ZNF462: variants seen among roughly 807,000 people sequenced by gnomAD.
ZNF462 encodes zinc finger PBX1-interacting protein.
Under a neutral mutation model 201.9 loss-of-function variants are expected in ZNF462, and 10 were observed. The observed-to-expected ratio is 0.05, with a 90% CI of 0.03 to 0.08. ZNF462 has a LOEUF of 0.08. ZNF462 is among the 10% of genes least tolerant of loss of function. The pLI is 1.00. For synonymous variants in ZNF462, 1,227 were observed against 1,193.3 expected (o/e 1.03, Z -0.58); for missense variants, 2,523 against 3,168.3 (o/e 0.80, Z 4.89).
Position 106,923,666 on chromosome 9 carries a change from T to C in ZNF462, c.220+63T>C, listed in dbSNP as rs1246011999. On this transcript the variant is annotated intron_variant, in intron 2 of 12. Coordinates refer to ENST00000277225, the MANE Select transcript of ZNF462 (RefSeq NM_021224.6). This position sits in a 1 kb window ranked among gnomAD's most constrained non-coding sequence, Gnocchi z 5.6. The stretch of plus-strand genomic sequence containing the variant: ...TAATTGCTCTTGTTTCCTTTTAGCC[T>C]GTAGCCATGGTTCTTAATATACGTG... 6.5e-7 allele frequency: 1 copy of C among 1,549,206 alleles called. No individual in the cohort carries two copies. The highest frequency in any genetic ancestry group is 8.9e-7 in the Non-Finnish European group (1 of 1,125,374).
rs758176395 is a variant in ZNF462 at position 106,870,123 on chromosome 9, AT to A, written c.-31+6772del. Among the ~76,000 whole-genome samples, 52 of 152,300 alleles carry A rather than the reference AT, an allele frequency of 3.4e-4. No homozygotes were observed. The highest frequency in any genetic ancestry group is 6.2e-4 in the Non-Finnish European group (42 of 68,024). On this transcript the variant is annotated intron_variant, in intron 1 of 12. Transcript: ENST00000277225. The surrounding 1 kb of genome is among the most constrained non-coding windows in gnomAD (Gnocchi z 4.3). ...GTGTGATTCCAACACAAAGTTAATT[AT>A]TTTCACGGCTTAGAAGGACAAAGGA...
chr9:106,937,342 C>A (rs1409876987), intron 6 of ZNF462, among the ~76,000 whole-genome samples: 7 of 151,956 alleles, frequency 4.6e-5, no homozygotes, highest in Admixed American at 3.9e-4. Flanking sequence ...ACATGTGAAC[C>A]CATTTAGTAA....
At chr9:106,960,562 C>G (rs1033496320) in intron 7 of ZNF462, among the ~76,000 whole-genome samples, 1 of 152,092 alleles carries the variant, frequency 6.6e-6, no homozygotes, top group Non-Finnish European at 1.5e-5. Context: ...TTCCTCATCA[C>G]ACAATTCAAA....
chr9:106,977,844 G>A lies in ZNF462; in HGVS notation c.6832+3571G>A, dbSNP rs755116228. On this transcript the variant is annotated intron_variant, in intron 9 of 12. Coordinates refer to ENST00000277225, the MANE Select transcript of ZNF462 (RefSeq NM_021224.6). This position sits in a 1 kb window ranked among gnomAD's most constrained non-coding sequence, Gnocchi z 4.6. Reference sequence around the variant, plus strand: ...CTATTGTAACAAGTGACCACCAAATGTGTAGATTAAAACAATAGAAATGTA... The same window carrying A: ...CTATTGTAACAAGTGACCACCAAATATGTAGATTAAAACAATAGAAATGTA... 6.6e-6 allele frequency among the ~76,000 whole-genome samples: 1 copy of A among 151,564 alleles called. No homozygotes were observed. Among genetic ancestry groups the A allele is most frequent in the Non-Finnish European group, 1.5e-5 (1 of 68,032 alleles).
rs11336568 is a variant in ZNF462, at chr9:106,867,574, GAA to G, written c.-31+4231_-31+4232del. ...TTTGGAGTTGGAGACAACTTTTAGA[GAA>G]AAAAAAAAAAACAAACTTATCTGCT... On this transcript the variant is annotated intron_variant, in intron 1 of 12. Transcript: ENST00000277225. 7.7e-3 allele frequency among the ~76,000 whole-genome samples: 1,044 copies of G among 135,020 alleles called. 9 individuals are homozygous for G. The highest frequency in any genetic ancestry group is 9.7e-3 in the Non-Finnish European group (595 of 61,140). 88.6% of individuals were successfully genotyped at this position (135,020 alleles called of 152,430 possible).
rs1223818889 is a variant in ZNF462 at position 106,970,702 on chromosome 9, G to A, written c.6428-1303G>A. On this transcript the variant is annotated intron_variant, in intron 7 of 12. Coordinates refer to ENST00000277225, the MANE Select transcript of ZNF462 (RefSeq NM_021224.6). The surrounding 1 kb of genome is among the most constrained non-coding windows in gnomAD (Gnocchi z 4.2). ...TCATTTGTGTCATTCATAGGCAGCT[G>A]TAGGTTATATAGGACAATGTTTTTG... Among the ~76,000 whole-genome samples the A allele has an allele frequency of 6.6e-6, 1 of 152,162 alleles. No individual in the cohort carries two copies. Among genetic ancestry groups the A allele is most frequent in the Non-Finnish European group, 1.5e-5 (1 of 68,040 alleles).
chr9:106,862,441 G>T (rs1415695397), upstream of ZNF462, among the ~76,000 whole-genome samples: 1 of 152,144 alleles, frequency 6.6e-6, no homozygotes, highest in East Asian at 1.9e-4. This position sits in a 1 kb window ranked among gnomAD's most constrained non-coding sequence, Gnocchi z 4.2. Flanking sequence ...ACCGGGACGC[G>T]AGCGCGCACG....
intron 1 of ZNF462, among the ~76,000 whole-genome samples, chr9:106,909,863 C>T (rs1024709231): frequency 2.0e-4 from 31 of 152,174 alleles, no homozygotes; most frequent in African/African-American, 6.5e-4. Context: ...CTTGGAATAA[C>T]AGATACTCTT....
intron 1 of ZNF462, among the ~76,000 whole-genome samples, chr9:106,889,926 T>C (rs973676108): frequency 1.3e-5 from 2 of 152,244 alleles, no homozygotes; most frequent in East Asian, 1.9e-4. Flanking sequence ...TTCAGACATA[T>C]TGGCTTACCC....
At chr9:106,979,007 C>T in intron 9 of ZNF462, 1 of 221,222 alleles carries the variant, frequency 4.5e-6, no homozygotes. Flanking sequence ...CTAGACACCC[C>T]AATTTGGCCA....
At position 106,974,125 on chromosome 9, in the gene ZNF462, ACT is replaced by A. The variant is rs1407608658; in HGVS notation, c.6696-6_6696-5del. The A allele has an allele frequency of 2.5e-6, 4 of 1,613,320 alleles. No homozygotes were observed. In the South Asian group the frequency reaches 3.3e-5, roughly 13 times the overall value. ...TTACACGCATCACCTCTCCTCCCAA[ACT>A]CTCTCCTAGATCTGCTTTTACTATG... On this transcript the variant is annotated splice_polypyrimidine_tract_variant and intron_variant, in intron 8 of 12. Transcript: ENST00000277225. The surrounding 1 kb of genome is among the most constrained non-coding windows in gnomAD (Gnocchi z 4.0).
At chr9:106,901,796 CA>C (rs779342058) in intron 1 of ZNF462, among the ~76,000 whole-genome samples, 1 of 152,116 alleles carries the variant, frequency 6.6e-6, no homozygotes, top group Non-Finnish European at 1.5e-5. Flanking sequence ...ATTCTTTTAT[CA>C]GTTCTAGGAG....
Position 106,929,932 on chromosome 9 carries a change from A to G in ZNF462, c.5847+173A>G, listed in dbSNP as rs1420641905. On this transcript the variant is annotated intron_variant, in intron 3 of 12. Transcript: ENST00000277225. The surrounding 1 kb of genome is among the most constrained non-coding windows in gnomAD (Gnocchi z 8.7). The stretch of plus-strand genomic sequence containing the variant: ...CTTGATTATCTCCCATTCTGTGCTC[A>G]CCCCTCTCCTTGGTCCCTTCTCCTC... Among the ~76,000 whole-genome samples, 1 of 151,844 alleles carries G rather than the reference A, an allele frequency of 6.6e-6. No homozygotes were observed. Among genetic ancestry groups the G allele is most frequent in the African/African-American group, 2.4e-5 (1 of 41,324 alleles).
At chr9:106,887,803 G>C (rs773192412) in intron 1 of ZNF462, among the ~76,000 whole-genome samples, 1 of 152,152 alleles carries the variant, frequency 6.6e-6, no homozygotes, top group African/African-American at 2.4e-5. Flanking sequence ...GATTAAAAAG[G>C]ACTTTTTGGG....
intron 7 of ZNF462, among the ~76,000 whole-genome samples, chr9:106,955,369 G>A (rs546537373): frequency 1.3e-5 from 2 of 152,206 alleles, no homozygotes; most frequent in African/African-American, 2.4e-5. Flanking sequence ...TCTAAAAAAT[G>A]TACATATCTT....
chr9:106,931,827 T>C (rs1830439484), intron 4 of ZNF462, among the ~76,000 whole-genome samples: 2 of 152,340 alleles, frequency 1.3e-5, no homozygotes, highest in Admixed American at 6.5e-5. Context: ...TTGCTTCCTT[T>C]CCAGATAATG....
At chr9:106,982,687 G>A (rs1827532221) in intron 9 of ZNF462, among the ~76,000 whole-genome samples, 2 of 152,144 alleles carry the variant, frequency 1.3e-5, no homozygotes, top group South Asian at 4.1e-4. Flanking sequence ...GAGCTCCAGG[G>A]GGTATGTTGC....
chr9:107,011,483 A>T lies in ZNF462; in HGVS notation c.*453A>T, dbSNP rs577307052. Reference sequence around the variant, plus strand: ...AAGACCTAACTGCAGCCGCTTTGGGAAAAAAAAACAAAAAACAAAAAACAG... The same window carrying T: ...AAGACCTAACTGCAGCCGCTTTGGGTAAAAAAAACAAAAAACAAAAAACAG... On this transcript the variant is annotated 3_prime_UTR_variant, in exon 13 of 13. Transcript: ENST00000277225. This position sits in a 1 kb window ranked among gnomAD's most constrained non-coding sequence, Gnocchi z 5.6. 6.7e-6 allele frequency: 1 copy of T among 149,616 alleles called. No individual in the cohort carries two copies. The highest frequency in any genetic ancestry group is 1.5e-5 in the Non-Finnish European group (1 of 67,916). The allele number at this position is 149,616 out of a possible 1,614,324, so 9.3% of individuals were successfully genotyped here.
chr9:106,887,403 G>T (rs1163976011), intron 1 of ZNF462, among the ~76,000 whole-genome samples: 1 of 152,070 alleles, frequency 6.6e-6, no homozygotes, highest in African/African-American at 2.4e-5. Context: ...TTTCACAAAG[G>T]TCATAATTTG....
Sources: gnomAD v4.1 joint callset for allele counts (sites outside exome capture counted in the v4.1 genomes callset) on GRCh38, gnomAD v4.1.1 for gene constraint, Gnocchi (gnomAD v3.1) non-coding constraint, MANE v1.5 for transcripts, NCBI Gene and HGNC (gene_info 2026-07-23, HGNC 2026-07-21) for gene names.